Variants in MAP2 observed in about 807,000 individuals in gnomAD.
MAP2 encodes microtubule associated protein 2.
Under a neutral mutation model 137.6 loss-of-function variants are expected in MAP2, and 14 were observed. The ratio of observed to expected loss-of-function variants is 0.10; its 90% CI spans 0.07 to 0.16. The LOEUF (loss-of-function observed/expected upper bound fraction) is 0.16. MAP2 is among the 10% of genes least tolerant of loss of function. The pLI is 1.00. For synonymous variants in MAP2, 786 were observed against 782.3 expected, an observed-to-expected ratio of 1.00 and a Z score of -0.08; for missense variants, 2,088 against 2,191.5, an observed-to-expected ratio of 0.95 and a Z score of 0.94.
intron 4 of MAP2, among the ~76,000 whole-genome samples, chr2:209,630,610 T>C (rs1466258809): frequency 6.6e-6 from 1 of 152,086 alleles, no homozygotes; most frequent in Non-Finnish European, 1.5e-5. Context: ...AGTTTATTTA[T>C]ACCCTAAGTC....
intron 2 of MAP2, among the ~76,000 whole-genome samples, chr2:209,538,130 T>A (rs1280782887): frequency 6.6e-6 from 1 of 152,186 alleles, no homozygotes; most frequent in Non-Finnish European, 1.5e-5. Flanking sequence ...CTGTTGGTTA[T>A]TTTTTGCTGA....
At chr2:209,725,566 T>A in intron 13 of MAP2, 143 bp from the exon 14 acceptor site, 1 of 442,534 alleles carries the variant, frequency 2.3e-6, no homozygotes, top group Admixed American at 4.4e-5. Context: ...TGTCTTCCTC[T>A]GTTTGTGTGT....
At chr2:209,615,553 A>C (rs1386227649) in intron 3 of MAP2, among the ~76,000 whole-genome samples, 1 of 152,202 alleles carries the variant, frequency 6.6e-6, no homozygotes, top group Non-Finnish European at 1.5e-5. Context: ...ACAATTGTCA[A>C]AGCATTTTTC....
intron 1 of MAP2, among the ~76,000 whole-genome samples, chr2:209,504,621 T>C (rs1176915008): frequency 2.6e-5 from 4 of 152,178 alleles, no homozygotes; most frequent in African/African-American, 9.7e-5. Flanking sequence ...CCATGCAAGA[T>C]CCTAGGATAA....
chr2:209,479,098 A>T (rs1470631618), intron 1 of MAP2, among the ~76,000 whole-genome samples: 2 of 152,210 alleles, frequency 1.3e-5, no homozygotes, highest in Non-Finnish European at 2.9e-5. Flanking sequence ...CAAATTACAA[A>T]AGCAAGTGAT....
intron 1 of MAP2, among the ~76,000 whole-genome samples, chr2:209,471,638 C>T (rs893738204): frequency 7.0e-6 from 1 of 142,224 alleles, no homozygotes; most frequent in East Asian, 2.1e-4. Flanking sequence ...ATGTTCCCAA[C>T]CCCCCACCCC....
chr2:209,472,094 T>C (rs1259179917), intron 1 of MAP2, among the ~76,000 whole-genome samples: 2 of 152,190 alleles, frequency 1.3e-5, no homozygotes, highest in African/African-American at 2.4e-5. Context: ...TAATAATAAA[T>C]TTTATTTTGT....
Position 209,631,005 on chromosome 2 carries a change from C to CAAAAAA in MAP2, c.-30+5901_-30+5906dup, listed in dbSNP as rs776266690. On this transcript the variant is annotated intron_variant, in intron 4 of 15. Transcript: ENST00000682079. Reference sequence around the variant, plus strand: ...TTTCAAGATTGAAGGGAGCTACAAGCAAAAAAAAAAAAAAAAAAAAAAAAA... The same window carrying CAAAAAA: ...TTTCAAGATTGAAGGGAGCTACAAGCAAAAAAAAAAAAAAAAAAAAAAAAAAAAAAA... 6.2e-3 allele frequency among the ~76,000 whole-genome samples: 262 copies of CAAAAAA among 42,132 alleles called. 105 individuals are homozygous for CAAAAAA. The highest frequency in any genetic ancestry group is 0.015 in the East Asian group (14 of 936). 27.6% of individuals were successfully genotyped at this position (42,132 alleles called of 152,430 possible). A position where few individuals can be genotyped will look rare whatever the true frequency, so the allele number is the denominator to read the frequency against.
chr2:209,548,014 T>C (rs1381237929), intron 2 of MAP2, among the ~76,000 whole-genome samples: 1 of 152,146 alleles, frequency 6.6e-6, no homozygotes, highest in African/African-American at 2.4e-5. Context: ...ACTCAAACAG[T>C]GAAGCTTTAT....
At chr2:209,519,844 A>G (rs2063022964) in intron 2 of MAP2, among the ~76,000 whole-genome samples, 1 of 152,110 alleles carries the variant, frequency 6.6e-6, no homozygotes, top group Non-Finnish European at 1.5e-5. Context: ...AGATTGAAGT[A>G]AGATGATCAC....
intron 4 of MAP2, among the ~76,000 whole-genome samples, chr2:209,628,094 C>T (rs1387577988): frequency 1.3e-5 from 2 of 152,094 alleles, no homozygotes; most frequent in African/African-American, 4.8e-5. Context: ...CGGCCGGGCA[C>T]GGTGACTCAC....
intron 2 of MAP2, among the ~76,000 whole-genome samples, chr2:209,526,437 T>A (rs2064061909): frequency 6.6e-6 from 1 of 151,472 alleles, no homozygotes; most frequent in Non-Finnish European, 1.5e-5. Flanking sequence ...TAGAGAGAAA[T>A]ACAGAAGGGG....
intron 4 of MAP2, among the ~76,000 whole-genome samples, chr2:209,641,741 AAAGC>A (rs1435169092): frequency 6.6e-6 from 1 of 152,130 alleles, no homozygotes; most frequent in East Asian, 1.9e-4. Context: ...CTAAAGCTCT[AAAGC>A]ATTTTAAATA....
intron 1 of MAP2, among the ~76,000 whole-genome samples, chr2:209,479,167 A>C (rs1250362090): frequency 2.0e-5 from 3 of 152,130 alleles, no homozygotes; most frequent in Non-Finnish European, 4.4e-5. Flanking sequence ...CATGGAAAAT[A>C]CATTGGTTTC....
chr2:209,600,454 C>T (rs947856726), intron 3 of MAP2, among the ~76,000 whole-genome samples: 1 of 152,150 alleles, frequency 6.6e-6, no homozygotes, highest in Admixed American at 6.5e-5. Context: ...GTCAGTCCCC[C>T]CAGCTGGCTT....
intron 1 of MAP2, among the ~76,000 whole-genome samples, chr2:209,481,203 G>A (rs1193627782): frequency 1.3e-5 from 2 of 152,214 alleles, no homozygotes; most frequent in South Asian, 2.1e-4. Flanking sequence ...AAGGAAACAG[G>A]AATGGGCAGA....
At chr2:209,717,987 C>G (rs576323456) in intron 13 of MAP2, among the ~76,000 whole-genome samples, 1 of 152,150 alleles carries the variant, frequency 6.6e-6, no homozygotes, top group Non-Finnish European at 1.5e-5. Flanking sequence ...TGTTGGTCAA[C>G]ACAGCATGAA....
At chr2:209,565,511 T>G (rs933782826) in intron 2 of MAP2, among the ~76,000 whole-genome samples, 1 of 152,158 alleles carries the variant, frequency 6.6e-6, no homozygotes, top group Non-Finnish European at 1.5e-5. Context: ...TTAGCCACTA[T>G]TCCCAGACCG....
chr2:209,724,274 T>G (rs2072892297), intron 13 of MAP2, among the ~76,000 whole-genome samples: 1 of 152,164 alleles, frequency 6.6e-6, no homozygotes, highest in Non-Finnish European at 1.5e-5. Flanking sequence ...CCTGTCTCTT[T>G]CATTTAGTGT....
Sources: allele counts gnomAD v4.1 joint callset (sites outside exome capture counted in the v4.1 genomes callset), GRCh38; gene constraint gnomAD v4.1.1; transcripts MANE v1.5; gene names NCBI Gene and HGNC (gene_info 2026-07-23, HGNC 2026-07-21).